The following TRHDE variants were observed in gnomAD, a reference collection of about 807,000 sequenced individuals.
The protein encoded by TRHDE is thyrotropin releasing hormone degrading enzyme.
In TRHDE, 72 loss-of-function variants were observed where a neutral mutation model predicts 125.7. The ratio of observed to expected loss-of-function variants is 0.57; its 90% CI spans 0.47 to 0.70. The LOEUF (loss-of-function observed/expected upper bound fraction) is 0.70, where lower values mean the gene tolerates loss of function less well. TRHDE is among the 30% of genes least tolerant of loss of function. The probability of loss-of-function intolerance (pLI) is 0.00; values close to 1 mark genes in which losing one functional copy is unlikely to be tolerated. For missense variants in TRHDE, 1,110 were observed against 1,327.1 expected (o/e 0.84, Z 2.54); for synonymous variants, 509 against 509.1 (o/e 1.00, Z 0.00).
intron 6 of TRHDE, among the ~76,000 whole-genome samples, chr12:72,523,231 G>A (rs1018045219): frequency 6.6e-6 from 1 of 151,910 alleles, no homozygotes; most frequent in Non-Finnish European, 1.5e-5. Context: ...TAAATCATAA[G>A]AAAGTTAAGT....
At chr12:72,530,416 C>CTTTTTTTT (rs71438816) in intron 6 of TRHDE, among the ~76,000 whole-genome samples, 93 of 68,422 alleles carry the variant, frequency 1.4e-3, no homozygotes, top group Middle Eastern at 0.012. Context: ...TTCCTAGAAG[C>CTTTTTTTT]TTTTTTTTTT....
intron 2 of TRHDE, among the ~76,000 whole-genome samples, chr12:72,215,498 A>G (rs1877870233): frequency 1.3e-5 from 2 of 152,206 alleles, no homozygotes; most frequent in Admixed American, 1.3e-4. Context: ...TGGGAAGCAC[A>G]TGGGTTAGAG....
At chr12:72,238,339 T>TATA (rs1483769640) in intron 2 of TRHDE, among the ~76,000 whole-genome samples, 1 of 21,156 alleles carries the variant, frequency 4.7e-5, no homozygotes, top group Non-Finnish European at 1.1e-4. Flanking sequence ...TATATACACA[T>TATA]TATATATATA....
intron 6 of TRHDE, among the ~76,000 whole-genome samples, chr12:72,533,942 G>A (rs1231997371): frequency 6.6e-6 from 1 of 151,896 alleles, no homozygotes; most frequent in East Asian, 1.9e-4. Flanking sequence ...CTGTTTGAAT[G>A]CCATTACCTG....
intron 2 of TRHDE, among the ~76,000 whole-genome samples, chr12:72,242,327 TG>T: frequency 6.6e-6 from 1 of 152,284 alleles, no homozygotes; most frequent in South Asian, 2.1e-4. Flanking sequence ...GTTGGAAAGC[TG>T]GGGCTTTATT....
intron 3 of TRHDE, among the ~76,000 whole-genome samples, chr12:72,467,414 T>C (rs1331412108): frequency 6.6e-6 from 1 of 152,216 alleles, no homozygotes; most frequent in Admixed American, 6.5e-5. Flanking sequence ...AACTATTTGC[T>C]CATATTTCCC....
intron 3 of TRHDE, among the ~76,000 whole-genome samples, chr12:72,439,536 T>C (rs1874900894): frequency 6.6e-6 from 1 of 152,080 alleles, no homozygotes; most frequent in East Asian, 1.9e-4. Flanking sequence ...TTCTAGGTAC[T>C]TAATTTTTTT....
chr12:72,140,340 C>T (rs923802544), intron 2 of TRHDE: 2 of 152,234 alleles, frequency 1.3e-5, no homozygotes, highest in Admixed American at 6.5e-5. Flanking sequence ...CAATCAATTA[C>T]AAATCAGATA....
chr12:72,478,326 G>T (rs1876992388), intron 5 of TRHDE, among the ~76,000 whole-genome samples: 5 of 152,012 alleles, frequency 3.3e-5, no homozygotes, highest in Admixed American at 2.0e-4. Context: ...TGCCTGTTTG[G>T]GTCTCATGGA....
At chr12:72,091,610 T>C (rs1432473418) in intron 1 of TRHDE, among the ~76,000 whole-genome samples, 1 of 152,116 alleles carries the variant, frequency 6.6e-6, no homozygotes, top group Non-Finnish European at 1.5e-5. Flanking sequence ...TCAAGAAGAA[T>C]ATTGTTGGAG....
chr12:72,175,434 C>T (rs574800067), intron 2 of TRHDE, among the ~76,000 whole-genome samples: 57 of 152,296 alleles, frequency 3.7e-4, no homozygotes, highest in Non-Finnish European at 5.3e-4. Flanking sequence ...CTTTGTTTGA[C>T]TGAATCTATA....
At chr12:72,586,758 TCTCC>T (rs1871456807) in intron 12 of TRHDE, among the ~76,000 whole-genome samples, 2 of 139,718 alleles carry the variant, frequency 1.4e-5, no homozygotes, top group Non-Finnish European at 3.1e-5. Context: ...CAGTATAAAC[TCTCC>T]AGGACACCAG....
intron 5 of TRHDE, among the ~76,000 whole-genome samples, chr12:72,473,698 T>G (rs956335182): frequency 1.6e-4 from 25 of 152,098 alleles, no homozygotes; most frequent in African/African-American, 6.0e-4. Flanking sequence ...ATGTCAGAAC[T>G]TGAAGAAAGG....
chr12:72,320,237 C>CAGGA (rs1869017884), intron 2 of TRHDE, among the ~76,000 whole-genome samples: 1 of 151,988 alleles, frequency 6.6e-6, no homozygotes, highest in African/African-American at 2.4e-5. Context: ...GGATTTGTTC[C>CAGGA]AGGAACCCCC....
intron 15 of TRHDE, among the ~76,000 whole-genome samples, chr12:72,635,560 G>A (rs202141249): frequency 6.6e-6 from 1 of 152,214 alleles, no homozygotes; most frequent in South Asian, 2.1e-4. Context: ...TGGTGTTTTA[G>A]ACATGAAGTC....
At chr12:72,433,746 C>CTTTTTTTTT (rs35623228) in intron 3 of TRHDE, among the ~76,000 whole-genome samples, 1 of 146,022 alleles carries the variant, frequency 6.8e-6, no homozygotes, top group Non-Finnish European at 1.5e-5. Flanking sequence ...GACAAATAAA[C>CTTTTTTTTT]TTTTTTTTTT....
intron 2 of TRHDE, among the ~76,000 whole-genome samples, chr12:72,332,838 A>T (rs1481006391): frequency 2.6e-5 from 4 of 152,152 alleles, no homozygotes; most frequent in Non-Finnish European, 1.5e-5. Context: ...AGAAATGCAG[A>T]ATCTCTGGTG....
chr12:72,266,077 T>C (rs572105407), intron 2 of TRHDE, among the ~76,000 whole-genome samples: 1 of 152,136 alleles, frequency 6.6e-6, no homozygotes, highest in South Asian at 2.1e-4. Context: ...TTAAGCAGAA[T>C]CTATCTGTAG....
At chr12:72,535,364 C>A (rs922113937) in intron 6 of TRHDE, among the ~76,000 whole-genome samples, 6 of 152,082 alleles carry the variant, frequency 3.9e-5, no homozygotes, top group African/African-American at 1.4e-4. Context: ...GGATGGATTC[C>A]TGAGGGTGAG....
Sources: allele counts gnomAD v4.1 joint callset (sites outside exome capture counted in the v4.1 genomes callset), GRCh38; gene constraint gnomAD v4.1.1; transcripts MANE v1.5; gene names NCBI Gene and HGNC (gene_info 2026-07-23, HGNC 2026-07-21).